The following ABHD6 variants were observed in gnomAD, a reference collection of about 807,000 sequenced individuals.
ABHD6 encodes monoacylglycerol lipase ABHD6.
A neutral mutation model predicts 38.8 loss-of-function variants in ABHD6; 33 were observed. The ratio of observed to expected loss-of-function variants is 0.85; its 90% CI spans 0.64 to 1.14. The LOEUF is 1.14. Among genes scored for constraint, ABHD6 ranks in the 50% most tolerant of loss-of-function variants. The pLI is 0.00. For missense variants in ABHD6, 380 were observed against 422.6 expected, an observed-to-expected ratio of 0.90 and a Z score of 0.88; for synonymous variants, 147 against 161.6, an observed-to-expected ratio of 0.91 and a Z score of 0.69.
intron 9 of ABHD6, among the ~76,000 whole-genome samples, chr3:58,289,683 C>T (rs2097460179): frequency 6.6e-6 from 1 of 152,220 alleles, no homozygotes; most frequent in South Asian, 2.1e-4. Flanking sequence ...CTTTTCCCCA[C>T]CTTTCCCCCC....
chr3:58,276,264 C>T (rs568658380), intron 7 of ABHD6, among the ~76,000 whole-genome samples: 1 of 152,330 alleles, frequency 6.6e-6, no homozygotes, highest in Admixed American at 6.5e-5. Context: ...TCTCCACATC[C>T]TCTCCAGCAT....
intron 9 of ABHD6, among the ~76,000 whole-genome samples, chr3:58,286,952 T>G (rs570369192): frequency 1.7e-4 from 26 of 149,910 alleles, no homozygotes; most frequent in African/African-American, 6.1e-4. Context: ...TTAAAAAAAT[T>G]TTATCTTGAA....
chr3:58,241,700 G>T (rs2097422936), intron 1 of ABHD6, among the ~76,000 whole-genome samples: 1 of 152,216 alleles, frequency 6.6e-6, no homozygotes, highest in South Asian at 2.1e-4. Flanking sequence ...ACCCTGCCCA[G>T]AGACTACTCA....
At chr3:58,240,060 G>A (rs1308050504) in intron 1 of ABHD6, among the ~76,000 whole-genome samples, 4 of 151,906 alleles carry the variant, frequency 2.6e-5, no homozygotes, top group African/African-American at 9.7e-5. Flanking sequence ...GCTGGGGTGG[G>A]AGGATTGCTT....
chr3:58,261,715 G>A (rs2107443466), intron 3 of ABHD6, among the ~76,000 whole-genome samples: 1 of 152,230 alleles, frequency 6.6e-6, no homozygotes, highest in South Asian at 2.1e-4. Flanking sequence ...TGTTGGTGAG[G>A]ATGTGGAGAG....
intron 3 of ABHD6, among the ~76,000 whole-genome samples, chr3:58,260,011 A>T (rs1327002810): frequency 6.6e-6 from 1 of 152,204 alleles, no homozygotes; most frequent in Non-Finnish European, 1.5e-5. Flanking sequence ...TGTAGCATGC[A>T]TCACTCCTTC....
chr3:58,289,457 A>G (rs2097459925), intron 9 of ABHD6, among the ~76,000 whole-genome samples: 1 of 149,216 alleles, frequency 6.7e-6, no homozygotes, highest in South Asian at 2.2e-4. Flanking sequence ...TGCTGCCTTC[A>G]GGCATCTGTT....
chr3:58,247,669 C>T (rs2097427368), intron 1 of ABHD6, among the ~76,000 whole-genome samples: 1 of 152,100 alleles, frequency 6.6e-6, no homozygotes, highest in Admixed American at 6.6e-5. Flanking sequence ...CTCCACCTCG[C>T]GGTCAAGCAA....
chr3:58,293,449 C>T lies in ABHD6; in HGVS notation c.838-140C>T. 1 of 826,564 alleles carries T rather than the reference C, an allele frequency of 1.2e-6. No homozygotes were observed. The highest frequency in any genetic ancestry group is 1.8e-6 in the Non-Finnish European group (1 of 541,436). 51.2% of individuals were successfully genotyped at this position (826,564 alleles called of 1,614,324 possible). On this transcript the variant is annotated intron_variant, in intron 9 of 9. Coordinates refer to ENST00000478253, the MANE Select transcript of ABHD6 (RefSeq NM_001320126.2). This position sits in a 1 kb window ranked among gnomAD's most constrained non-coding sequence, Gnocchi z 4.4. ...ATTCAGACAGCCACAAGCCCCAACA[C>T]CAAAGGGACTTGGTCCTAAAATTCA... is the stretch of plus-strand genomic sequence containing the variant.
chr3:58,285,545 G>GT lies in ABHD6; in HGVS notation c.837+93dup, dbSNP rs1473218036. ...GGAAGAACAAGTGGTTATTTATGGA[G>GT]TGAGCTGATCGCTGCTGTCAGGAAG... On this transcript the variant is annotated intron_variant, in intron 9 of 9. Transcript: ENST00000478253. The surrounding 1 kb of genome is among the most constrained non-coding windows in gnomAD (Gnocchi z 4.9). 1 of 1,129,454 alleles carries GT rather than the reference G, an allele frequency of 8.9e-7. No individual in the cohort carries two copies. The highest frequency in any genetic ancestry group is 1.3e-6 in the Non-Finnish European group (1 of 748,460). 70.0% of individuals were successfully genotyped at this position (1,129,454 alleles called of 1,614,324 possible). A position where few individuals can be genotyped will look rare whatever the true frequency, so the allele number is the denominator to read the frequency against.
At chr3:58,262,480 A>G (rs1463373906) in intron 3 of ABHD6, among the ~76,000 whole-genome samples, 1 of 152,188 alleles carries the variant, frequency 6.6e-6, no homozygotes, top group Non-Finnish European at 1.5e-5. Flanking sequence ...TATTTAGGTC[A>G]ATAGAGCCTT....
rs542775359 is a variant in ABHD6, at chr3:58,289,178, C to T, written c.837+3725C>T. ...CAAGCAATGCTCCCACCTCAGCCTC[C>T]CAGGCAGCTGGGACTACAGGCATGT... On this transcript the variant is annotated intron_variant, in intron 9 of 9. Transcript: ENST00000478253. Among the ~76,000 whole-genome samples the T allele has an allele frequency of 1.9e-3, 287 of 152,274 alleles. 6 individuals carry two copies. The highest frequency in any genetic ancestry group is 0.017 in the Middle Eastern group (5 of 294).
chr3:58,239,106 C>T (rs1387768704), intron 1 of ABHD6, among the ~76,000 whole-genome samples: 2 of 152,012 alleles, frequency 1.3e-5, no homozygotes, highest in African/African-American at 4.8e-5. Flanking sequence ...TCAGAACCAC[C>T]CCCTTCCCCC....
rs367942226 is a variant in ABHD6, at chr3:58,286,025, G to T, written c.837+572G>T. ...CCTAATTTTTGTTTTTTGTTCTTTT[G>T]TTTTTTTTTTTTTAGACGAAGTCTT... On this transcript the variant is annotated intron_variant, in intron 9 of 9. Transcript: ENST00000478253. Among the ~76,000 whole-genome samples, 40 of 136,830 alleles carry T rather than the reference G, an allele frequency of 2.9e-4. No individual in the cohort carries two copies. In the South Asian group the frequency reaches 4.0e-3, roughly 14 times the overall value. 89.8% of individuals were successfully genotyped at this position (136,830 alleles called of 152,430 possible).
intron 7 of ABHD6, among the ~76,000 whole-genome samples, chr3:58,280,155 G>T (rs865844709): frequency 2.6e-5 from 4 of 152,164 alleles, no homozygotes; most frequent in African/African-American, 9.7e-5. Flanking sequence ...GGTTGGGGAA[G>T]TTCTCCTGGA....
intron 7 of ABHD6, among the ~76,000 whole-genome samples, chr3:58,277,823 G>T (rs189601423): frequency 3.9e-5 from 6 of 152,204 alleles, no homozygotes; most frequent in East Asian, 3.9e-4. Flanking sequence ...GCATGAAGGG[G>T]TGTTGAATTT....
chr3:58,290,248 A>C (rs2097461116), intron 9 of ABHD6, among the ~76,000 whole-genome samples: 2 of 122,644 alleles, frequency 1.6e-5, no homozygotes, highest in East Asian at 2.8e-4. Flanking sequence ...GCGGCTGGGC[A>C]GAGGCGCCCC....
intron 9 of ABHD6, among the ~76,000 whole-genome samples, chr3:58,292,112 C>T (rs950318478): frequency 7.9e-5 from 12 of 152,174 alleles, no homozygotes; most frequent in African/African-American, 2.9e-4. Context: ...AGTGACAAGG[C>T]AGAGGTTTCC....
At chr3:58,255,996 A>G (rs921173941) in intron 2 of ABHD6, among the ~76,000 whole-genome samples, 1 of 152,038 alleles carries the variant, frequency 6.6e-6, no homozygotes, top group African/African-American at 2.4e-5. Flanking sequence ...AAAGGATAAT[A>G]TCATGTAACC....
Sources: gnomAD v4.1 joint callset for allele counts (sites outside exome capture counted in the v4.1 genomes callset) on GRCh38, gnomAD v4.1.1 for gene constraint, Gnocchi (gnomAD v3.1) non-coding constraint, MANE v1.5 for transcripts, NCBI Gene and HGNC (gene_info 2026-07-23, HGNC 2026-07-21) for gene names.